CCL15: variants seen among roughly 807,000 people sequenced by gnomAD.
CCL15 encodes the protein C-C motif chemokine ligand 15.
In CCL15, 8 loss-of-function variants were observed where a neutral mutation model predicts 10.6. That is an observed-to-expected ratio of 0.75 (90% CI 0.44 to 1.36). CCL15 has a LOEUF of 1.36. Ranked by LOEUF, CCL15 falls within the 40% of genes most tolerant of loss-of-function variation. CCL15 has a pLI of 0.00. For missense variants in CCL15, 128 were observed against 136.6 expected (o/e 0.94, Z 0.32); for synonymous variants, 51 against 48.8 (o/e 1.04, Z -0.19).
intron 1 of CCL15, among the ~76,000 whole-genome samples, chr17:36,000,047 A>G (rs2089972256): frequency 6.7e-6 from 1 of 149,974 alleles, no homozygotes; most frequent in Admixed American, 6.7e-5. Flanking sequence ...GCTACTCGGG[A>G]GGCTGAGGCA....
At position 35,998,925 on chromosome 17, in the gene CCL15, T is replaced by G; in HGVS notation, c.77A>C (p.Asp26Ala). 2 of 1,613,410 alleles carry G rather than the reference T, an allele frequency of 1.2e-6. No individual in the cohort carries two copies. Among genetic ancestry groups the G allele is most frequent in the South Asian group, 1.1e-5 (1 of 91,074 alleles). Reference sequence around the variant, plus strand: ...TGACATCATTAACTCTGTCTCTGCATCTGAAAGAAACAGTACAGGGAAGGA... The same window carrying G: ...TGACATCATTAACTCTGTCTCTGCAGCTGAAAGAAACAGTACAGGGAAGGA... ...VLGSQAQFTN[D>A]AETELMMSKL... The change falls in exon 2 of 4, where the codon GAT becomes GCT. Residue 26 changes from aspartate (D) to alanine (A), a missense_variant and splice_region_variant. Coordinates refer to ENST00000617897, the MANE Select transcript of CCL15 (RefSeq NM_032965.6).
Position 35,998,943 on chromosome 17 carries a change from G to A in CCL15, c.77-18C>T. On this transcript the variant is annotated intron_variant, in intron 1 of 3. Transcript: ENST00000617897. ...CTCTGCATCTGAAAGAAACAGTACA[G>A]GGAAGGAAATCACTGGGTGGCAGCA... The A allele has an allele frequency of 6.2e-7, 1 of 1,609,486 alleles. No homozygotes were observed. The highest frequency in any genetic ancestry group is 8.5e-7 in the Non-Finnish European group (1 of 1,175,684).
rs376584236 is a variant in CCL15, at chr17:35,997,722, G to A, written c.*45C>T. On this transcript the variant is annotated 3_prime_UTR_variant, in exon 4 of 4. Transcript: ENST00000617897. The stretch of plus-strand genomic sequence containing the variant: ...AGTATTTCAGACCAAGAAACTCACA[G>A]GAGGTGTTGGAGGTGGGTGGCTGGC... The A allele has an allele frequency of 5.0e-5, 57 of 1,135,110 alleles. No homozygotes were observed. Among genetic ancestry groups the A allele is most frequent in the Non-Finnish European group, 7.3e-5 (54 of 744,486 alleles). 70.3% of individuals were successfully genotyped at this position (1,135,110 alleles called of 1,614,324 possible).
rs1444441787 is a variant in CCL15 at position 36,000,209 on chromosome 17, C to T, written c.76+1208G>A. Among the ~76,000 whole-genome samples, 4 of 149,444 alleles carry T rather than the reference C, an allele frequency of 2.7e-5. No homozygotes were observed. In the East Asian group the frequency reaches 7.9e-4, roughly 30 times the overall value. ...AGGCGCGGTGGCTCACACCTGTAAT[C>T]CCAACACTTTGGGAGGCCGAGGTGG... On this transcript the variant is annotated intron_variant, in intron 1 of 3. Coordinates refer to ENST00000617897, the MANE Select transcript of CCL15 (RefSeq NM_032965.6).
rs759130558 is a variant in CCL15 at position 35,997,760 on chromosome 17, T to C, written c.*7A>G. 1.2e-6 allele frequency: 2 copies of C among 1,603,174 alleles called. No individual in the cohort carries two copies. The highest frequency in any genetic ancestry group is 8.5e-7 in the Non-Finnish European group (1 of 1,170,102). On this transcript the variant is annotated 3_prime_UTR_variant, in exon 4 of 4. Coordinates refer to ENST00000617897, the MANE Select transcript of CCL15 (RefSeq NM_032965.6). ...GTGGGTGGCTGGCCTCTTTTGTCTCTTTATTATTATATTGAGTAGGGCTTC... is the reference window on the plus strand; with the variant it reads ...GTGGGTGGCTGGCCTCTTTTGTCTCCTTATTATTATATTGAGTAGGGCTTC...
intron 1 of CCL15, among the ~76,000 whole-genome samples, chr17:35,999,690 C>T (rs2089966642): frequency 6.6e-6 from 1 of 152,004 alleles, no homozygotes; most frequent in Non-Finnish European, 1.5e-5. Flanking sequence ...TCTTGAACTC[C>T]TGTGGTCAAG....
chr17:35,997,941 G>T (rs1319061057), intron 3 of CCL15, 81 bp from the exon 4 acceptor site: 1 of 908,980 alleles, frequency 1.1e-6, no homozygotes, highest in Admixed American at 1.9e-5. Context: ...CTGCTCCTCA[G>T]ATTTCCCAGT....
At position 35,999,461 on chromosome 17, in the gene CCL15, CTT is replaced by C. The variant is rs780201447; in HGVS notation, c.77-538_77-537del. On this transcript the variant is annotated intron_variant, in intron 1 of 3. Transcript: ENST00000617897. The stretch of plus-strand genomic sequence containing the variant: ...ATAAGTACCATCTAGGTATGTATTA[CTT>C]TTTTTTTTTTTTTTAATTGAGACAG... 2.0e-4 allele frequency among the ~76,000 whole-genome samples: 28 copies of C among 139,620 alleles called. 1 individual carries two copies. Among genetic ancestry groups the C allele is most frequent in the Middle Eastern group, 7.7e-3 (2 of 260 alleles). The allele number at this position is 139,620 out of a possible 152,430, so 91.6% of individuals were successfully genotyped here.
chr17:35,999,120 T>C (rs1021821276), intron 1 of CCL15, among the ~76,000 whole-genome samples, 195 bp from the exon 2 acceptor site: 7 of 152,188 alleles, frequency 4.6e-5, no homozygotes, highest in African/African-American at 1.7e-4. Context: ...AGAGACCTTT[T>C]GAAAATGTAG....
chr17:35,997,972 T>C, intron 3 of CCL15, 112 bp from the exon 4 acceptor site: 1 of 752,436 alleles, frequency 1.3e-6, no homozygotes, highest in South Asian at 1.5e-5. Flanking sequence ...TGTTTTTTCC[T>C]TTCTCTGCTG....
chr17:36,000,462 C>CAAAAAAAAA (rs71157588), intron 1 of CCL15, among the ~76,000 whole-genome samples: 11 of 49,094 alleles, frequency 2.2e-4, no homozygotes, highest in Non-Finnish European at 4.6e-4. Flanking sequence ...AACTCCATCT[C>CAAAAAAAAA]AAAAAAAAAA....
At chr17:36,000,339 C>G (rs1490067898) in intron 1 of CCL15, among the ~76,000 whole-genome samples, 1 of 150,380 alleles carries the variant, frequency 6.6e-6, no homozygotes, top group Non-Finnish European at 1.5e-5. Flanking sequence ...TGGCGCATGC[C>G]TTAATCCCAA....
chr17:35,997,887 C>T, intron 3 of CCL15, 27 bp from the exon 4 acceptor site: 2 of 1,576,270 alleles, frequency 1.3e-6, no homozygotes, highest in Non-Finnish European at 1.7e-6. Flanking sequence ...AGAAAGATTA[C>T]AAACTGAGGT....
intron 1 of CCL15, among the ~76,000 whole-genome samples, chr17:36,000,291 G>A (rs933779845): frequency 1.3e-5 from 2 of 151,698 alleles, no homozygotes; most frequent in Admixed American, 6.6e-5. Flanking sequence ...GTGAAACCCC[G>A]CCTCTACTAA....
intron 1 of CCL15, among the ~76,000 whole-genome samples, chr17:35,999,208 T>C (rs181421499): frequency 6.6e-6 from 1 of 152,326 alleles, no homozygotes; most frequent in Non-Finnish European, 1.5e-5. Context: ...AATGTCTACA[T>C]GATGTGACAC....
At chr17:35,998,542 G>A in intron 2 of CCL15, 151 bp from the exon 3 acceptor site, 1 of 702,278 alleles carries the variant, frequency 1.4e-6, no homozygotes. Context: ...CCAGGGTTTT[G>A]CCATGTGTCT....
At position 35,998,277 on chromosome 17, in the gene CCL15, T is replaced by A. The variant is rs766862736; in HGVS notation, c.248+3A>T. Reference sequence around the variant, plus strand: ...ACACATGGTTGGTGAGCTTGGCACTTACATGACACCTGGCTTGGAGCACTC... The same window carrying A: ...ACACATGGTTGGTGAGCTTGGCACTAACATGACACCTGGCTTGGAGCACTC... On this transcript the variant is annotated splice_donor_region_variant and intron_variant, in intron 3 of 3. Transcript: ENST00000617897. The A allele has an allele frequency of 1.2e-6, 2 of 1,603,880 alleles. No homozygotes were observed. Among genetic ancestry groups the A allele is most frequent in the Non-Finnish European group, 1.7e-6 (2 of 1,170,838 alleles).
chr17:35,997,949 A>T, intron 3 of CCL15, 89 bp from the exon 4 acceptor site: 5 of 844,134 alleles, frequency 5.9e-6, no homozygotes, highest in Non-Finnish European at 1.0e-5. Context: ...CAGATTTCCC[A>T]GTCAACACAG....
At chr17:36,000,390 T>G (rs860556) in intron 1 of CCL15, among the ~76,000 whole-genome samples, 56,751 of 141,834 alleles carry the variant, frequency 0.4, 16,150 homozygotes, top group African/African-American at 0.81. Context: ...TTGAACCTGG[T>G]AGGCAGAGCT....
Sources: allele counts gnomAD v4.1 joint callset (sites outside exome capture counted in the v4.1 genomes callset), GRCh38; gene constraint gnomAD v4.1.1; transcripts MANE v1.5; gene names NCBI Gene and HGNC (gene_info 2026-07-23, HGNC 2026-07-21).